Variants in RBM19 observed in about 807,000 individuals in gnomAD.
The protein encoded by RBM19 is probable RNA-binding protein 19.
RBM19 carries 94 observed loss-of-function variants against 116.8 expected under a neutral mutation model. That is an observed-to-expected ratio of 0.80 (90% CI 0.68 to 0.95). The LOEUF is 0.95. Ranked by LOEUF, RBM19 falls within the 40% of genes least tolerant of loss-of-function variation. The pLI, the probability that RBM19 is intolerant of heterozygous loss-of-function variation, is 0.00. For missense variants in RBM19, 1,161 were observed against 1,220.7 expected (o/e 0.95, Z 0.73); for synonymous variants, 475 against 494.1 (o/e 0.96, Z 0.51).
intron 22 of RBM19, among the ~76,000 whole-genome samples, chr12:113,845,351 C>G (rs1280449897): frequency 6.6e-6 from 1 of 152,118 alleles, no homozygotes; most frequent in Non-Finnish European, 1.5e-5. Flanking sequence ...CTCCCACCCC[C>G]AGCTCAGCAG....
chr12:113,949,169 C>T (rs1001392004), intron 9 of RBM19, 133 bp from the exon 10 acceptor site: 7 of 799,080 alleles, frequency 8.8e-6, no homozygotes, highest in African/African-American at 5.2e-5. Flanking sequence ...GCACCCAACA[C>T]CTGCCCTGTC....
intron 21 of RBM19, among the ~76,000 whole-genome samples, chr12:113,884,883 C>A (rs996260271): frequency 3.3e-5 from 5 of 150,538 alleles, no homozygotes; most frequent in Non-Finnish European, 5.9e-5. Flanking sequence ...TGGTTTGTAA[C>A]TCATTAAATA....
At position 113,884,121 on chromosome 12, in the gene RBM19, A is replaced by C. The variant is rs567490565; in HGVS notation, c.2559-25225T>G. 4.0e-4 allele frequency among the ~76,000 whole-genome samples: 35 copies of C among 88,008 alleles called. 1 individual carries two copies. The highest frequency in any genetic ancestry group is 1.4e-3 in the African/African-American group (34 of 24,388). 57.7% of individuals were successfully genotyped at this position (88,008 alleles called of 152,430 possible). A position where few individuals can be genotyped will look rare whatever the true frequency, so the allele number is the denominator to read the frequency against. The stretch of plus-strand genomic sequence containing the variant: ...GATACTCCATCTCTACCAAAAAAAA[A>C]AAAAAACAAAAAACTCGCCAGGCAT... On this transcript the variant is annotated intron_variant, in intron 21 of 23. Transcript: ENST00000261741.
chr12:113,946,577 C>A (rs1009555265), intron 11 of RBM19, 102 bp from the exon 12 acceptor site: 4 of 1,494,872 alleles, frequency 2.7e-6, no homozygotes, highest in Non-Finnish European at 3.7e-6. Flanking sequence ...CTGGACCCAG[C>A]ACTGAAACCC....
At chr12:113,908,125 C>A (rs1009112672) in intron 21 of RBM19, among the ~76,000 whole-genome samples, 1 of 152,210 alleles carries the variant, frequency 6.6e-6, no homozygotes, top group Non-Finnish European at 1.5e-5. Context: ...GCCTGGCTGG[C>A]TCTCAGGAGC....
intron 21 of RBM19, among the ~76,000 whole-genome samples, chr12:113,869,365 C>G (rs1879056580): frequency 6.6e-6 from 1 of 152,208 alleles, no homozygotes; most frequent in Non-Finnish European, 1.5e-5. Context: ...CTCTGCCATC[C>G]CTTGGGCAGG....
intron 21 of RBM19, among the ~76,000 whole-genome samples, chr12:113,879,446 T>TATAC (rs1555234783): frequency 4.2e-5 from 6 of 142,260 alleles, no homozygotes; most frequent in Non-Finnish European, 9.2e-5. Flanking sequence ...TATATATATA[T>TATAC]ATATGGACTT....
chr12:113,850,863 C>T (rs577365061), intron 22 of RBM19, among the ~76,000 whole-genome samples: 1 of 152,202 alleles, frequency 6.6e-6, no homozygotes, highest in Non-Finnish European at 1.5e-5. Context: ...TCAACCCCTC[C>T]GAAACCTGCT....
At chr12:113,952,377 C>G in intron 8 of RBM19, 135 bp downstream of exon 8, 1 of 756,112 alleles carries the variant, frequency 1.3e-6, no homozygotes, top group African/African-American at 1.8e-5. Context: ...CCCAGGCTGA[C>G]CACATCCACA....
intron 11 of RBM19, 136 bp downstream of exon 11, chr12:113,947,198 T>C: frequency 8.7e-7 from 1 of 1,153,232 alleles, no homozygotes; most frequent in East Asian, 2.4e-5. Context: ...AGGCAGTGAC[T>C]TAGCATGCCA....
chr12:113,887,219 C>A (rs896764385), intron 21 of RBM19, among the ~76,000 whole-genome samples: 3 of 152,092 alleles, frequency 2.0e-5, no homozygotes, highest in African/African-American at 4.8e-5. Flanking sequence ...GAGCTGGGGG[C>A]CCACAAAGCT....
At position 113,923,765 on chromosome 12, in the gene RBM19, C is replaced by T. The variant is rs186849974; in HGVS notation, c.2305+932G>A. 1.4e-4 allele frequency among the ~76,000 whole-genome samples: 21 copies of T among 152,340 alleles called. No homozygotes were observed. In the East Asian group the frequency reaches 4.1e-3, roughly 29 times the overall value. Reference sequence around the variant, plus strand: ...TGTCCCCTGTGCTGGACGCCTGTCCCTGCCATCCAACCCCTTGCTGCACTC... The same window carrying T: ...TGTCCCCTGTGCTGGACGCCTGTCCTTGCCATCCAACCCCTTGCTGCACTC... On this transcript the variant is annotated intron_variant, in intron 18 of 23. Coordinates refer to ENST00000261741, the MANE Select transcript of RBM19 (RefSeq NM_016196.4).
At chr12:113,887,956 A>G (rs79149125) in intron 21 of RBM19, among the ~76,000 whole-genome samples, 6,336 of 152,222 alleles carry the variant, frequency 0.042, 338 homozygotes, top group Admixed American at 0.15. Flanking sequence ...TCGTGGGCTC[A>G]ACTGATCCTC....
chr12:113,942,404 C>T lies in RBM19; in HGVS notation c.1657G>A (p.Ala553Thr). The T allele has an allele frequency of 6.2e-7, 1 of 1,608,902 alleles. No individual in the cohort carries two copies. Among genetic ancestry groups the T allele is most frequent in the Non-Finnish European group, 8.5e-7 (1 of 1,179,884 alleles). The change falls in exon 14 of 24, where the codon GCT becomes ACT. Residue 553 changes from alanine to threonine, a missense_variant. Ala to Thr is a moderately conservative substitution (Grantham distance 58). Transcript: ENST00000261741. ...ETKGSVAVRVALGETQLVQEV... is the reference protein window; with the variant it reads ...ETKGSVAVRVTLGETQLVQEV... ...TGGACGAGCTGGGTTTCCCCCAGAG[C>T]CACGCGCACGGCCACGCTGCCCTTG...
chr12:113,913,020 G>A (rs1047497781), intron 21 of RBM19, among the ~76,000 whole-genome samples: 2 of 152,148 alleles, frequency 1.3e-5, no homozygotes, highest in African/African-American at 4.8e-5. Flanking sequence ...ATGGCAAGGA[G>A]AAGAGTCACC....
intron 7 of RBM19, 146 bp from the exon 8 acceptor site, chr12:113,952,736 C>A: frequency 3.4e-6 from 2 of 593,370 alleles, no homozygotes; most frequent in Non-Finnish European, 5.9e-6. Context: ...TATCGCTTCT[C>A]CAATTACCTT....
chr12:113,836,883 T>C (rs1475957413), intron 23 of RBM19, among the ~76,000 whole-genome samples: 46 of 87,646 alleles, frequency 5.2e-4, no homozygotes, highest in East Asian at 7.0e-4. Flanking sequence ...ATACCTGTCC[T>C]CCTACTTACT....
intron 17 of RBM19, 110 bp from the exon 18 acceptor site, chr12:113,924,867 CA>C: frequency 3.3e-6 from 3 of 896,744 alleles, no homozygotes; most frequent in Non-Finnish European, 5.6e-6. Flanking sequence ...CTTGGGGTCC[CA>C]AAAACATTTT....
chr12:113,939,942 G>C lies in RBM19; in HGVS notation c.1938+18C>G. ...CTGGTCCTTCTCCAGATCAATTCTGGGTCTCCAGCAGCCCTACCTTGGAAT... is the reference window on the plus strand; with the variant it reads ...CTGGTCCTTCTCCAGATCAATTCTGCGTCTCCAGCAGCCCTACCTTGGAAT... On this transcript the variant is annotated intron_variant, in intron 15 of 23. Transcript: ENST00000261741. The C allele has an allele frequency of 6.2e-7, 1 of 1,612,222 alleles. No homozygotes were observed. The highest frequency in any genetic ancestry group is 1.7e-5 in the Admixed American group (1 of 59,990).
Sources: gnomAD v4.1 joint callset for allele counts (sites outside exome capture counted in the v4.1 genomes callset) on GRCh38, gnomAD v4.1.1 for gene constraint, MANE v1.5 for transcripts, NCBI Gene and HGNC (gene_info 2026-07-23, HGNC 2026-07-21) for gene names.